Variants in NCKAP5 observed in about 807,000 individuals in gnomAD.
NCKAP5 encodes nck-associated protein 5.
Under a neutral mutation model 167.0 loss-of-function variants are expected in NCKAP5, and 92 were observed. The observed-to-expected ratio is 0.55, with a 90% CI of 0.47 to 0.66. The LOEUF is 0.66. Among genes scored for constraint, NCKAP5 ranks in the 30% least tolerant of loss-of-function variants. The pLI is 0.00. For synonymous variants in NCKAP5, 891 were observed against 877.4 expected (o/e 1.02, Z -0.27); for missense variants, 2,378 against 2,315.0 (o/e 1.03, Z -0.56).
chr2:133,017,432 G>T (rs1243810600), intron 6 of NCKAP5, among the ~76,000 whole-genome samples: 1 of 152,102 alleles, frequency 6.6e-6, no homozygotes, highest in Non-Finnish European at 1.5e-5. Flanking sequence ...CACAAATACA[G>T]TATTTCATTT....
At chr2:132,677,757 C>A (rs1020939569) in intron 19 of NCKAP5, among the ~76,000 whole-genome samples, 10 of 151,990 alleles carry the variant, frequency 6.6e-5, no homozygotes, top group Non-Finnish European at 1.2e-4. Flanking sequence ...CCAAGAGGTT[C>A]TAGGAAACTC....
chr2:133,233,995 C>A (rs986525069), intron 4 of NCKAP5, among the ~76,000 whole-genome samples: 1 of 152,166 alleles, frequency 6.6e-6, no homozygotes, highest in African/African-American at 2.4e-5. Flanking sequence ...TCAGGACTAT[C>A]GAAAGAAGGG....
In NCKAP5 at chr2:132,784,404, T is replaced by C; in HGVS notation, c.2407A>G (p.Ile803Val). ...GGTGAAGACTTGCCCCTGGGAGGTA[T>C]TTTTGTCAGATTTTGCTTTTGATAG... The part of the protein sequence containing the change: ...GIYQKQNLTK[I>V]PPRGKSSPQK... The change falls in exon 14 of 20, where the codon ATA (isoleucine) becomes GTA (valine). Residue 803 changes from isoleucine (I) to valine (V), a missense_variant. This residue lies in a region of NCKAP5 where 1,049 missense variants were observed against 1,023.4 expected (regional missense o/e 1.02). Transcript: ENST00000409261. The C allele has an allele frequency of 6.2e-7, 1 of 1,613,330 alleles. No individual in the cohort carries two copies.
chr2:132,978,025 C>T (rs2077026924), intron 7 of NCKAP5, among the ~76,000 whole-genome samples: 1 of 152,134 alleles, frequency 6.6e-6, no homozygotes, highest in Non-Finnish European at 1.5e-5. Context: ...TTGGCGAAGA[C>T]AGCTGTAATC....
chr2:133,539,066 A>G (rs537184747), intron 2 of NCKAP5, among the ~76,000 whole-genome samples: 2 of 148,094 alleles, frequency 1.4e-5, no homozygotes, highest in South Asian at 4.3e-4. Flanking sequence ...TCAGCCTCCC[A>G]AGTAGCTGGG....
rs749255371 is a variant in NCKAP5 at position 132,782,839 on chromosome 2, G to C, written c.3972C>G (p.Asn1324Lys). The C allele has an allele frequency of 6.2e-7, 1 of 1,613,870 alleles. No homozygotes were observed. Residue 1324 changes from asparagine to lysine, a missense_variant, in exon 14 of 20, where the codon AAC becomes AAG. Asn to Lys is a moderately conservative substitution (Grantham distance 94). Transcript: ENST00000409261. ...RQNSSTESSP[N>K]KAPSAPMLES... Reference sequence around the variant, plus strand: ...CCAACATGGGAGCAGAAGGGGCCTTGTTGGGAGAGCTTTCCGTGGAAGAGT... The same window carrying C: ...CCAACATGGGAGCAGAAGGGGCCTTCTTGGGAGAGCTTTCCGTGGAAGAGT...
At chr2:133,086,066 T>C (rs375384616) in intron 6 of NCKAP5, among the ~76,000 whole-genome samples, 1 of 152,166 alleles carries the variant, frequency 6.6e-6, no homozygotes, top group African/African-American at 2.4e-5. Flanking sequence ...CTGTGTGACT[T>C]TGGATCAATC....
At chr2:132,954,060 G>T (rs1356941465) in intron 8 of NCKAP5, among the ~76,000 whole-genome samples, 2 of 152,172 alleles carry the variant, frequency 1.3e-5, no homozygotes, top group African/African-American at 4.8e-5. Context: ...CTGAACCCTT[G>T]CATTCATCCA....
At chr2:133,066,465 G>C (rs577476261) in intron 6 of NCKAP5, among the ~76,000 whole-genome samples, 5 of 152,244 alleles carry the variant, frequency 3.3e-5, no homozygotes, top group South Asian at 2.1e-4. Flanking sequence ...AAGAATAACA[G>C]CCCAAGTAGA....
the NCKAP5 span, among the ~76,000 whole-genome samples, chr2:133,647,399 G>GGAAGGAAA: frequency 1.7e-5 from 2 of 117,044 alleles, no homozygotes; most frequent in Non-Finnish European, 3.3e-5. Flanking sequence ...AAGGAAGGAA[G>GGAAGGAAA]GAAGGAAGGA....
At chr2:133,469,737 C>G (rs1340195978) in intron 3 of NCKAP5, among the ~76,000 whole-genome samples, 1 of 151,508 alleles carries the variant, frequency 6.6e-6, no homozygotes, top group African/African-American at 2.4e-5. Context: ...TCTAAACTTC[C>G]CTTCTCGCTT....
At chr2:133,372,619 G>C (rs887846122) in intron 3 of NCKAP5, among the ~76,000 whole-genome samples, 6 of 152,108 alleles carry the variant, frequency 3.9e-5, no homozygotes, top group Non-Finnish European at 5.9e-5. Flanking sequence ...AACTATTTGA[G>C]GGTTCACTGA....
intron 16 of NCKAP5, among the ~76,000 whole-genome samples, chr2:132,738,330 A>G (rs1000567567): frequency 6.6e-6 from 1 of 152,202 alleles, no homozygotes; most frequent in Non-Finnish European, 1.5e-5. Flanking sequence ...TCCCTGTGCC[A>G]GTACACAGCA....
At chr2:132,793,921 G>C (rs1425676502) in intron 12 of NCKAP5, among the ~76,000 whole-genome samples, 1 of 151,914 alleles carries the variant, frequency 6.6e-6, no homozygotes, top group African/African-American at 2.4e-5. Context: ...TTCCCCTACA[G>C]TTTCCTTCGT....
chr2:132,963,072 A>G (rs2076565050), intron 8 of NCKAP5, among the ~76,000 whole-genome samples: 1 of 151,970 alleles, frequency 6.6e-6, no homozygotes. Context: ...ATCAAGAACT[A>G]GTAACTAGAA....
chr2:132,896,399 G>C (rs554932949), intron 8 of NCKAP5, among the ~76,000 whole-genome samples: 1 of 152,170 alleles, frequency 6.6e-6, no homozygotes, highest in East Asian at 1.9e-4. Context: ...CACCACCCTT[G>C]TTCCTCTCCT....
intron 7 of NCKAP5, among the ~76,000 whole-genome samples, chr2:132,979,617 T>C (rs2149263111): frequency 6.6e-6 from 1 of 152,342 alleles, no homozygotes; most frequent in Non-Finnish European, 1.5e-5. Context: ...GCTGTTGGCC[T>C]CTGAAGGCTT....
chr2:133,378,954 T>G (rs572896832), intron 3 of NCKAP5, among the ~76,000 whole-genome samples: 1 of 152,282 alleles, frequency 6.6e-6, no homozygotes, highest in African/African-American at 2.4e-5. Context: ...ATAAACGAGC[T>G]TTATAAGAAA....
intron 5 of NCKAP5, among the ~76,000 whole-genome samples, chr2:133,180,837 G>A (rs1031868382): frequency 5.3e-5 from 8 of 152,060 alleles, no homozygotes; most frequent in African/African-American, 1.2e-4. Context: ...AGGCTATATC[G>A]AACTGAAAAG....
Sources: allele counts gnomAD v4.1 joint callset (sites outside exome capture counted in the v4.1 genomes callset), GRCh38; gene constraint gnomAD v4.1.1; regional missense constraint gnomAD v4.1.1; transcripts MANE v1.5; gene names NCBI Gene and HGNC (gene_info 2026-07-23, HGNC 2026-07-21).